Variants in PDE1C observed in about 807,000 individuals in gnomAD.
PDE1C encodes dual specificity calcium/calmodulin-dependent 3',5'-cyclic nucleotide phosphodiesterase 1C.
PDE1C carries 62 observed loss-of-function variants against 93.1 expected under a neutral mutation model. The observed-to-expected ratio is 0.67, with a 90% CI of 0.54 to 0.82. The LOEUF (loss-of-function observed/expected upper bound fraction) is 0.82, where lower values mean the gene tolerates loss of function less well. Among genes scored for constraint, PDE1C ranks in the 40% least tolerant of loss-of-function variants. The probability of loss-of-function intolerance (pLI) is 0.00; values close to 1 mark genes in which losing one functional copy is unlikely to be tolerated. For synonymous variants in PDE1C, 325 were observed against 310.1 expected (o/e 1.05, Z -0.50); for missense variants, 742 against 884.6 (o/e 0.84, Z 2.04).
intron 2 of PDE1C, among the ~76,000 whole-genome samples, chr7:31,921,561 T>G (rs1482513121): frequency 3.9e-5 from 6 of 152,212 alleles, no homozygotes; most frequent in Non-Finnish European, 8.8e-5. Flanking sequence ...CCAGTGATTT[T>G]GTAAACATTT....
chr7:32,266,000 C>T (rs117319430), intron 1 of PDE1C, among the ~76,000 whole-genome samples: 1,464 of 119,306 alleles, frequency 0.012, 89 homozygotes, highest in Middle Eastern at 0.053. Context: ...GGTGGCCGGG[C>T]GCGGTGGCTC....
chr7:32,353,499 A>T (rs76436234), intron 1 of PDE1C, among the ~76,000 whole-genome samples: 15 of 6,636 alleles, frequency 2.3e-3, no homozygotes, highest in Non-Finnish European at 0.019. Context: ...TTTTTTCTTT[A>T]TTTTGACTAA....
intron 16 of PDE1C, among the ~76,000 whole-genome samples, chr7:31,799,042 C>T (rs1785662499): frequency 6.6e-6 from 1 of 151,436 alleles, no homozygotes; most frequent in African/African-American, 2.4e-5. Context: ...GATGAGAAAA[C>T]TGGAATACAG....
intron 2 of PDE1C, among the ~76,000 whole-genome samples, chr7:31,969,137 T>G (rs1235673958): frequency 6.6e-6 from 1 of 152,186 alleles, no homozygotes; most frequent in African/African-American, 2.4e-5. Flanking sequence ...AAATGGGATC[T>G]GATTATACTA....
chr7:31,959,199 G>GTTGTTTGT (rs138410002), intron 2 of PDE1C, among the ~76,000 whole-genome samples: 2 of 151,632 alleles, frequency 1.3e-5, no homozygotes, highest in East Asian at 1.9e-4. Flanking sequence ...TTTTTGTTTT[G>GTTGTTTGT]TTGTTTGTTT....
chr7:32,207,501 T>G (rs989453991), intron 2 of PDE1C, among the ~76,000 whole-genome samples: 1 of 152,218 alleles, frequency 6.6e-6, no homozygotes, highest in African/African-American at 2.4e-5. Flanking sequence ...AAATAATTTT[T>G]TTGCCTTCCT....
At chr7:31,981,333 G>C (rs1812341074) in intron 2 of PDE1C, among the ~76,000 whole-genome samples, 1 of 152,142 alleles carries the variant, frequency 6.6e-6, no homozygotes, top group South Asian at 2.1e-4. Context: ...TATAGAGTTT[G>C]AAATTTTATA....
the PDE1C span, chr7:31,686,781 G>A: frequency 6.6e-6 from 1 of 152,126 alleles, no homozygotes; most frequent in Non-Finnish European, 1.5e-5. Context: ...ATAAATGTTA[G>A]CAGTAGCTAC....
intron 1 of PDE1C, among the ~76,000 whole-genome samples, chr7:32,062,550 C>T (rs1794937405): frequency 6.6e-6 from 1 of 152,224 alleles, no homozygotes; most frequent in Non-Finnish European, 1.5e-5. Context: ...ACATAATCTT[C>T]ATGTCTCAGC....
chr7:32,166,546 G>C (rs1802285739), intron 3 of PDE1C, among the ~76,000 whole-genome samples: 1 of 152,174 alleles, frequency 6.6e-6, no homozygotes, highest in African/African-American at 2.4e-5. Context: ...TAAGAGGGAA[G>C]ACTGTCAGGG....
chr7:31,779,905 GT>G (rs1783277051), intron 16 of PDE1C, among the ~76,000 whole-genome samples: 1 of 152,108 alleles, frequency 6.6e-6, no homozygotes, highest in East Asian at 1.9e-4. Context: ...TCCCTCTCAT[GT>G]CCAGGAAGAA....
intron 3 of PDE1C, chr7:32,169,742 C>T (rs1802527069): frequency 6.3e-7 from 1 of 1,576,484 alleles, no homozygotes; most frequent in East Asian, 2.2e-5. Flanking sequence ...AACAACTCCA[C>T]AAGCAAATAA....
chr7:31,742,417 C>T, the PDE1C span, among the ~76,000 whole-genome samples: 1 of 152,200 alleles, frequency 6.6e-6, no homozygotes, highest in Non-Finnish European at 1.5e-5. Context: ...ATTCAAGCAG[C>T]ACAAGCCAGC....
At chr7:32,341,576 C>T (rs1585117441) in intron 1 of PDE1C, among the ~76,000 whole-genome samples, 1 of 152,268 alleles carries the variant, frequency 6.6e-6, no homozygotes, top group East Asian at 1.9e-4. Context: ...TTGCTACTCA[C>T]AGAGACAGCA....
intron 1 of PDE1C, among the ~76,000 whole-genome samples, chr7:32,415,317 G>A (rs35711949): frequency 0.032 from 4,821 of 152,212 alleles, 94 homozygotes; most frequent in Non-Finnish European, 0.047. Flanking sequence ...CAGGCATGGT[G>A]GCATGCACCT....
intron 3 of PDE1C, among the ~76,000 whole-genome samples, chr7:32,077,166 G>A (rs962292142): frequency 2.0e-5 from 3 of 152,190 alleles, no homozygotes; most frequent in Admixed American, 6.5e-5. Flanking sequence ...CTTGAACCTG[G>A]AAGGCAGAAG....
chr7:31,855,827 T>C (rs1793949039), intron 7 of PDE1C, among the ~76,000 whole-genome samples: 1 of 147,560 alleles, frequency 6.8e-6, no homozygotes, highest in Admixed American at 6.7e-5. Context: ...GGAAAATTAC[T>C]GGCACCTTGC....
Position 32,259,111 on chromosome 7 carries a change from G to C in PDE1C, c.85+39540C>G, listed in dbSNP as rs78901624. Among the ~76,000 whole-genome samples, 300 of 152,234 alleles carry C rather than the reference G, an allele frequency of 2.0e-3. 2 individuals carry two copies. Among genetic ancestry groups the C allele is most frequent in the Non-Finnish European group, 2.9e-3 (194 of 68,016 alleles). ...GACATTTTTACATTCCTGATTTTTA[G>C]GCATTTCACGTGGTGTATGTTTCCT... On this transcript the variant is annotated intron_variant, in intron 1 of 18. Coordinates refer to the PDE1C transcript ENST00000396193.
At chr7:31,659,633 A>G in the PDE1C span, among the ~76,000 whole-genome samples, 3 of 152,180 alleles carry the variant, frequency 2.0e-5, no homozygotes, top group African/African-American at 7.2e-5. Flanking sequence ...ATGTAGAGCC[A>G]TACATTTTGC....
Sources: gnomAD v4.1 joint callset for allele counts (sites outside exome capture counted in the v4.1 genomes callset) on GRCh38, gnomAD v4.1.1 for gene constraint, MANE v1.5 for transcripts, NCBI Gene and HGNC (gene_info 2026-07-23, HGNC 2026-07-21) for gene names.